Variants in TNN observed in about 807,000 individuals in gnomAD.
TNN encodes the protein tenascin-N.
TNN carries 122 observed loss-of-function variants against 134.4 expected under a neutral mutation model. That is an observed-to-expected ratio of 0.91 (90% CI 0.78 to 1.06). TNN has a LOEUF of 1.06. Among genes scored for constraint, TNN ranks in the 50% least tolerant of loss-of-function variants. TNN has a pLI of 0.00. For missense variants in TNN, 1,739 were observed against 1,699.4 expected (o/e 1.02, Z -0.41); for synonymous variants, 710 against 670.3 (o/e 1.06, Z -0.91).
chr1:175,108,889 C>A (rs913651078), intron 9 of TNN, among the ~76,000 whole-genome samples: 1 of 151,240 alleles, frequency 6.6e-6, no homozygotes, highest in Non-Finnish European at 1.5e-5. Flanking sequence ...CCTTGGCCAG[C>A]CCAGAAAGGG....
chr1:175,069,098 G>A lies in TNN; in HGVS notation c.-36+1163G>A, dbSNP rs1469395372. Among the ~76,000 whole-genome samples, 6 of 152,066 alleles carry A rather than the reference G, an allele frequency of 3.9e-5. No individual in the cohort carries two copies. In the South Asian group the frequency reaches 1.2e-3, roughly 32 times the overall value. On this transcript the variant is annotated intron_variant, in intron 1 of 18. Transcript: ENST00000239462. ...TTGCTTATATAAGCATTAAAAAAAA[G>A]AACAAGTTCCAACATAAAAGTAACA...
intron 9 of TNN, among the ~76,000 whole-genome samples, chr1:175,114,474 C>A (rs1047591182): frequency 2.6e-5 from 4 of 152,210 alleles, no homozygotes; most frequent in Non-Finnish European, 5.9e-5. Flanking sequence ...CTCTTGGGGT[C>A]AGGTCTGACA....
intron 12 of TNN, 112 bp from the exon 13 acceptor site, chr1:175,126,843 A>C: frequency 8.2e-7 from 1 of 1,215,250 alleles, no homozygotes; most frequent in Non-Finnish European, 1.1e-6. Flanking sequence ...GCTTGAAAGA[A>C]GGAGGAGAAA....
At chr1:175,112,571 T>G (rs1017783580) in intron 9 of TNN, among the ~76,000 whole-genome samples, 1 of 145,746 alleles carries the variant, frequency 6.9e-6, no homozygotes, top group African/African-American at 2.5e-5. Flanking sequence ...TGGGTCATTT[T>G]TTTAAAGATC....
In TNN at chr1:175,118,545, G is replaced by A. The variant is rs772487713; in HGVS notation, c.2387-16G>A. ...ACCTGTTCATAGTGCATATTGGTCA[G>A]CATTTTTTTTTTCAGACATTGACAG... On this transcript the variant is annotated splice_polypyrimidine_tract_variant and intron_variant, in intron 10 of 18. Transcript: ENST00000239462. The A allele has an allele frequency of 1.2e-6, 2 of 1,603,304 alleles. No homozygotes were observed. The highest frequency in any genetic ancestry group is 2.2e-5 in the East Asian group (1 of 44,858).
chr1:175,075,250 T>G (rs1674013379), intron 1 of TNN, among the ~76,000 whole-genome samples: 1 of 152,198 alleles, frequency 6.6e-6, no homozygotes, highest in African/African-American at 2.4e-5. Flanking sequence ...GCTAGAAATA[T>G]TTCTTCCTTT....
chr1:175,128,098 C>G lies in TNN; in HGVS notation c.3112C>G (p.Pro1038Ala), dbSNP rs1392267312. Reference sequence around the variant, plus strand: ...AGGCCTTGAGCAAGGCGCCACCTACCCTGTCTCCCTTGTTGCCTTTAAGGG... The same window carrying G: ...AGGCCTTGAGCAAGGCGCCACCTACGCTGTCTCCCTTGTTGCCTTTAAGGG... ...LQGLEQGATY[P>A]VSLVAFKGGR... is the part of the protein sequence containing the mutation. Residue 1038 changes from proline (P) to alanine (A), a missense_variant, in exon 14 of 19, where the codon CCT (proline) becomes GCT (alanine). Transcript: ENST00000239462. 6.2e-7 allele frequency: 1 copy of G among 1,613,960 alleles called. No homozygotes were observed. The highest frequency in any genetic ancestry group is 1.1e-5 in the South Asian group (1 of 91,076).
At chr1:175,130,450 A>G (rs1675649619) in intron 15 of TNN, among the ~76,000 whole-genome samples, 1 of 152,236 alleles carries the variant, frequency 6.6e-6, no homozygotes, top group Non-Finnish European at 1.5e-5. Flanking sequence ...GACCAGACCC[A>G]TAGGGCTGTA....
At chr1:175,109,726 A>G (rs1177788732) in intron 9 of TNN, among the ~76,000 whole-genome samples, 5 of 150,154 alleles carry the variant, frequency 3.3e-5, no homozygotes, top group African/African-American at 4.9e-5. Context: ...ACATACATAT[A>G]TATATATCAA....
chr1:175,134,402 G>A (rs761131836), intron 15 of TNN, among the ~76,000 whole-genome samples: 1 of 151,866 alleles, frequency 6.6e-6, no homozygotes, highest in Admixed American at 6.6e-5. Flanking sequence ...AAAATTAGCC[G>A]GGCATGGTGG....
chr1:175,103,391 T>C (rs1406754412), intron 9 of TNN, among the ~76,000 whole-genome samples: 2 of 145,974 alleles, frequency 1.4e-5, no homozygotes, highest in African/African-American at 4.9e-5. Flanking sequence ...GCCTCTGCAG[T>C]TTTGGAGAGT....
In TNN at chr1:175,147,115, G is replaced by A. The variant is rs1676089953; in HGVS notation, c.*44G>A. The A allele has an allele frequency of 2.0e-6, 3 of 1,483,340 alleles. No individual in the cohort carries two copies. The Admixed American group carries it at 6.7e-5, about 33-fold the overall frequency. The allele number at this position is 1,483,340 out of a possible 1,614,324, so 91.9% of individuals were successfully genotyped here. A position where few individuals can be genotyped will look rare whatever the true frequency, so the allele number is the denominator to read the frequency against. On this transcript the variant is annotated 3_prime_UTR_variant, in exon 19 of 19. Transcript: ENST00000239462. ...CTCGCAGGAGACACCACCAGCTGTG[G>A]CAGCTTGGGGCGGGGTGGGTAGTGG... is the stretch of plus-strand genomic sequence containing the variant.
At chr1:175,101,801 A>T (rs1360053682) in intron 9 of TNN, among the ~76,000 whole-genome samples, 12 of 136,248 alleles carry the variant, frequency 8.8e-5, no homozygotes, top group East Asian at 5.1e-4. Context: ...ATAAAGGTTC[A>T]CCAAGGCCCC....
At chr1:175,138,739 T>A (rs909506161) in intron 17 of TNN, among the ~76,000 whole-genome samples, 1 of 152,246 alleles carries the variant, frequency 6.6e-6, no homozygotes, top group African/African-American at 2.4e-5. Context: ...AACATAGTCA[T>A]GCATTGCTTA....
In TNN at chr1:175,077,669, T is replaced by A; in HGVS notation, c.251T>A (p.Ile84Asn). The change falls in exon 2 of 19, where the codon ATC (isoleucine) becomes AAC (asparagine). Residue 84 changes from isoleucine (I) to asparagine (N), a missense_variant. Physicochemically the swap from Ile to Asn is moderately radical, Grantham distance 149. Transcript: ENST00000239462. The part of the protein sequence containing the change: ...ALGEAREEQN[I>N]IFRHNIRLQT... ...GGGGAGGCCAGGGAGGAACAGAACA[T>A]CATCTTCAGGCACAACATCCGCCTT... 1 of 1,614,182 alleles carries A rather than the reference T, an allele frequency of 6.2e-7. No homozygotes were observed. Among genetic ancestry groups the A allele is most frequent in the Non-Finnish European group, 8.5e-7 (1 of 1,180,038 alleles).
chr1:175,127,959 G>A lies in TNN; in HGVS notation c.3046-73G>A, dbSNP rs775057593. The A allele has an allele frequency of 3.2e-6, 5 of 1,558,902 alleles. No individual in the cohort carries two copies. In the African/African-American group the frequency reaches 4.1e-5, roughly 13 times the overall value. ...GCTTCTGTCATTAGCACCAGGGAAC[G>A]CTGTTGACACCTAGGGTGCTAGTGG... On this transcript the variant is annotated intron_variant, in intron 13 of 18. Coordinates refer to ENST00000239462, the MANE Select transcript of TNN (RefSeq NM_022093.2).
chr1:175,141,344 C>T (rs4633248), intron 17 of TNN, among the ~76,000 whole-genome samples: 41,474 of 151,994 alleles, frequency 0.27, 6,402 homozygotes, highest in East Asian at 0.42. Context: ...CAGCTGATTT[C>T]GAGTCCCACC....
intron 16 of TNN, 119 bp downstream of exon 16, chr1:175,136,060 C>G: frequency 1.4e-6 from 1 of 729,304 alleles, no homozygotes; most frequent in Non-Finnish European, 2.5e-6. Flanking sequence ...GGCAGGGAGA[C>G]AGAGGACTGT....
chr1:175,112,364 T>G (rs1675049755), intron 9 of TNN, among the ~76,000 whole-genome samples: 1 of 152,150 alleles, frequency 6.6e-6, no homozygotes, highest in South Asian at 2.1e-4. Flanking sequence ...TGAATTGATC[T>G]CTTTTTCTTT....
Sources: gnomAD v4.1 joint callset for allele counts (sites outside exome capture counted in the v4.1 genomes callset) on GRCh38, gnomAD v4.1.1 for gene constraint, MANE v1.5 for transcripts, NCBI Gene and HGNC (gene_info 2026-07-23, HGNC 2026-07-21) for gene names.